SLC26A2: variants seen among roughly 807,000 people sequenced by gnomAD.
SLC26A2 encodes solute carrier family 26 member 2.
Under a neutral mutation model 41.1 loss-of-function variants are expected in SLC26A2, and 36 were observed. The ratio of observed to expected loss-of-function variants is 0.88; its 90% CI spans 0.67 to 1.16. The LOEUF is 1.16. SLC26A2 is among the 50% of genes most tolerant of loss of function. The pLI is 0.00. For synonymous variants in SLC26A2, 291 were observed against 311.6 expected (o/e 0.93, Z 0.70); for missense variants, 796 against 869.6 (o/e 0.92, Z 1.07).
At chr5:149,962,430 G>A (rs997806609) in intron 1 of SLC26A2, among the ~76,000 whole-genome samples, 3 of 151,492 alleles carry the variant, frequency 2.0e-5, no homozygotes, top group Admixed American at 6.6e-5. Flanking sequence ...CATTGACCTC[G>A]TGGGTTCAAG....
intron 1 of SLC26A2, among the ~76,000 whole-genome samples, chr5:149,975,141 G>T (rs245079): frequency 0.56 from 84,391 of 151,780 alleles, 26,352 homozygotes; most frequent in African/African-American, 0.85. Flanking sequence ...GATATTGGGG[G>T]TTTTTTGTTT....
rs1755162455 is a variant in SLC26A2, at chr5:149,984,584, C to G, written c.*2771C>G. 6.6e-6 allele frequency: 1 copy of G among 152,242 alleles called. No homozygotes were observed. The highest frequency in any genetic ancestry group is 2.1e-4 in the South Asian group (1 of 4,832). 9.4% of individuals were successfully genotyped at this position (152,242 alleles called of 1,614,324 possible). ...GCTGAGGCAGGAGAATTACTTGAAC[C>G]CGGGAGGCGGAGGTTGCAGTAAGCA... On this transcript the variant is annotated 3_prime_UTR_variant, in exon 3 of 3. Coordinates refer to ENST00000286298, the MANE Select transcript of SLC26A2 (RefSeq NM_000112.4).
chr5:149,972,339 CA>C, intron 1 of SLC26A2, among the ~76,000 whole-genome samples: 1 of 152,116 alleles, frequency 6.6e-6, no homozygotes, highest in Admixed American at 6.5e-5. Flanking sequence ...TGAGTGAATA[CA>C]TAAGTTTCTA....
intron 1 of SLC26A2, chr5:149,962,055 A>C (rs1754721847): frequency 1.3e-5 from 2 of 152,226 alleles, no homozygotes; most frequent in African/African-American, 2.4e-5. Context: ...ACTGCTGAGC[A>C]GTATAGCTGG....
At position 149,984,934 on chromosome 5, in the gene SLC26A2, C is replaced by CA. The variant is rs1217569022; in HGVS notation, c.*3122dup. The CA allele has an allele frequency of 3.3e-5, 5 of 152,112 alleles. No homozygotes were observed. The highest frequency in any genetic ancestry group is 3.3e-4 in the Admixed American group (5 of 15,268). The allele number at this position is 152,112 out of a possible 1,614,324, so 9.4% of individuals were successfully genotyped here. ...TTACAGCCAAAGGGTTGGAGTGTGC[C>CA]AGTGCACAGGTAGACTAAGGAAAAC... On this transcript the variant is annotated 3_prime_UTR_variant, in exon 3 of 3. Transcript: ENST00000286298.
At chr5:149,961,945 G>T (rs1443549106) in intron 1 of SLC26A2, 2 of 152,234 alleles carry the variant, frequency 1.3e-5, no homozygotes, top group African/African-American at 4.8e-5. Flanking sequence ...AGGTAGTTGT[G>T]TTAGCCTTAC....
rs999027543 is a variant in SLC26A2, at chr5:149,981,959, T to C, written c.*146T>C. The C allele has an allele frequency of 1.6e-6, 1 of 632,890 alleles. No individual in the cohort carries two copies. Among genetic ancestry groups the C allele is most frequent in the African/African-American group, 1.8e-5 (1 of 54,436 alleles). The allele number at this position is 632,890 out of a possible 1,614,324, so 39.2% of individuals were successfully genotyped here. On this transcript the variant is annotated 3_prime_UTR_variant, in exon 3 of 3. Transcript: ENST00000286298. ...ATTCCTCCTTTGAAGCTAATGGCATTTGTATATACACACTGCAGCAGAGCT... is the reference window on the plus strand; with the variant it reads ...ATTCCTCCTTTGAAGCTAATGGCATCTGTATATACACACTGCAGCAGAGCT...
At position 149,987,016 on chromosome 5, in the gene SLC26A2, C is replaced by T. The variant is rs559269489; in HGVS notation, c.*5203C>T. The T allele has an allele frequency of 1.3e-5, 2 of 152,288 alleles. No individual in the cohort carries two copies. The highest frequency in any genetic ancestry group is 6.5e-5 in the Admixed American group (1 of 15,300). 9.4% of individuals were successfully genotyped at this position (152,288 alleles called of 1,614,324 possible). On this transcript the variant is annotated 3_prime_UTR_variant, in exon 3 of 3. Transcript: ENST00000286298. ...TTTTTGTCTTCTTTGGAACTTTGTA[C>T]ACAAACCAAGACAATATCAGGGTGA... is the stretch of plus-strand genomic sequence containing the variant.
intron 1 of SLC26A2, among the ~76,000 whole-genome samples, chr5:149,968,471 C>T (rs1431972876): frequency 2.6e-5 from 4 of 151,984 alleles, no homozygotes; most frequent in African/African-American, 7.3e-5. Context: ...AGTGCAGTGG[C>T]GCAATCTTGG....
In SLC26A2 at chr5:149,981,713, T is replaced by TTC. The variant is rs1554095433; in HGVS notation, c.2124_2125dup (p.Phe709SerfsTer27). 2 of 1,611,292 alleles carry TTC rather than the reference T, an allele frequency of 1.2e-6. No individual in the cohort carries two copies. Among genetic ancestry groups the TTC allele is most frequent in the Admixed American group, 3.4e-5 (2 of 59,412 alleles). On this transcript the variant is annotated frameshift_variant, in exon 3 of 3. Coordinates refer to ENST00000286298, the MANE Select transcript of SLC26A2 (RefSeq NM_000112.4). LOFTEE classifies it high-confidence loss of function. Reference sequence around the variant, plus strand: ...TATTGCAAAAAGGAAGAAGAAAACCTTCTCTTCTATAGTGTGTATGAAGCG... The same window carrying TTC: ...TATTGCAAAAAGGAAGAAGAAAACCTTCTCTCTTCTATAGTGTGTATGAAGCG...
chr5:149,978,082 T>A lies in SLC26A2; in HGVS notation c.430T>A (p.Ser144Thr). The A allele has an allele frequency of 6.2e-7, 1 of 1,604,804 alleles. No homozygotes were observed. The highest frequency in any genetic ancestry group is 1.1e-5 in the South Asian group (1 of 90,034). ...AGAACCTGTCTATGGTCTGTACACA[T>A]CTTTTTTTGCCAGCATCATTTATTT... ...GQEPVYGLYT[S>T]FFASIIYFLL... is the part of the protein sequence containing the mutation. Residue 144 changes from serine to threonine, a missense_variant, in exon 2 of 3, where the codon TCT becomes ACT. By Grantham distance (58) the Ser-to-Thr change is moderately conservative. Transcript: ENST00000286298.
intron 1 of SLC26A2, among the ~76,000 whole-genome samples, chr5:149,976,569 T>C (rs1034282051): frequency 6.6e-6 from 1 of 152,208 alleles, no homozygotes; most frequent in Non-Finnish European, 1.5e-5. Context: ...TGGTAAACAA[T>C]TTATGTTCTA....
At position 149,980,425 on chromosome 5, in the gene SLC26A2, C is replaced by T. The variant is rs374254724; in HGVS notation, c.832C>T (p.Pro278Ser). The change falls in exon 3 of 3, where the codon CCT becomes TCT. Residue 278 changes from proline (P) to serine (S), a missense_variant. Pro to Ser is a moderately conservative substitution (Grantham distance 74). Coordinates refer to ENST00000286298, the MANE Select transcript of SLC26A2 (RefSeq NM_000112.4). Reference protein sequence around the residue: ...QAKYLLGLNLPRTNGVGSLIT... With the variant: ...QAKYLLGLNLSRTNGVGSLIT... The stretch of plus-strand genomic sequence containing the variant: ...CAAGTATCTTCTTGGGCTCAACCTT[C>T]CTCGGACTAATGGTGTGGGCTCACT... 3 of 1,613,976 alleles carry T rather than the reference C, an allele frequency of 1.9e-6. No individual in the cohort carries two copies. In the African/African-American group the frequency reaches 4.0e-5, roughly 22 times the overall value.
rs755031722 is a variant in SLC26A2 at position 149,978,187 on chromosome 5, G to A, written c.535G>A (p.Glu179Lys). Residue 179 changes from glutamate to lysine, a missense_variant, in exon 2 of 3, where the codon GAA (glutamate) becomes AAA (lysine). Glu to Lys is a moderately conservative substitution (Grantham distance 56). Coordinates refer to ENST00000286298, the MANE Select transcript of SLC26A2 (RefSeq NM_000112.4). ...CLMIGETVDR[E>K]LQKAGYDNAH... ...TATGATTGGTGAGACAGTTGACCGA[G>A]AACTACAGAAAGCTGGCTATGACAA... 10 of 1,613,158 alleles carry A rather than the reference G, an allele frequency of 6.2e-6. No individual in the cohort carries two copies. In the South Asian group the frequency reaches 8.8e-5, roughly 14 times the overall value.
At chr5:149,970,631 A>C (rs988263310) in intron 1 of SLC26A2, among the ~76,000 whole-genome samples, 2 of 152,218 alleles carry the variant, frequency 1.3e-5, no homozygotes, top group Admixed American at 6.5e-5. Flanking sequence ...AATGGAATCA[A>C]CTTGGCATGT....
intron 1 of SLC26A2, among the ~76,000 whole-genome samples, chr5:149,976,512 T>G (rs245081): frequency 0.22 from 33,316 of 152,224 alleles, 4,411 homozygotes; most frequent in South Asian, 0.39. Flanking sequence ...ATGGCCATTC[T>G]AAGCTAAGTA....
In SLC26A2 at chr5:149,978,083, CT is replaced by C. The variant is rs769859976; in HGVS notation, c.438del (p.Phe146LeufsTer26). The C allele has an allele frequency of 6.2e-7, 1 of 1,603,808 alleles. No homozygotes were observed. The highest frequency in any genetic ancestry group is 2.2e-5 in the East Asian group (1 of 44,708). On this transcript the variant is annotated frameshift_variant, in exon 2 of 3. Transcript: ENST00000286298. LOFTEE classifies it high-confidence loss of function. ...GAACCTGTCTATGGTCTGTACACAT[CT>C]TTTTTTGCCAGCATCATTTATTTTC... is the stretch of plus-strand genomic sequence containing the variant. ...GQEPVYGLYT[S>X]FFASIIYFLL... is the part of the protein sequence containing the mutation.
chr5:149,974,934 A>G (rs1173668589), intron 1 of SLC26A2, among the ~76,000 whole-genome samples: 2 of 152,126 alleles, frequency 1.3e-5, no homozygotes, highest in Admixed American at 6.5e-5. Flanking sequence ...CATGTTGGTC[A>G]TGCTGGTCTT....
At chr5:149,977,209 G>A (rs915054036) in intron 1 of SLC26A2, among the ~76,000 whole-genome samples, 1 of 152,168 alleles carries the variant, frequency 6.6e-6, no homozygotes, top group Non-Finnish European at 1.5e-5. Context: ...TAAGGTTAAG[G>A]TAGGGGTTAA....
Sources: gnomAD v4.1 joint callset for allele counts (sites outside exome capture counted in the v4.1 genomes callset) on GRCh38, gnomAD v4.1.1 for gene constraint, MANE v1.5 for transcripts, NCBI Gene and HGNC (gene_info 2026-07-23, HGNC 2026-07-21) for gene names.